The following ABLIM3 variants were observed in gnomAD, a reference collection of about 807,000 sequenced individuals.
The protein encoded by ABLIM3 is actin-binding LIM protein 3.
A neutral mutation model predicts 109.5 loss-of-function variants in ABLIM3; 61 were observed. The observed-to-expected ratio is 0.56, with a 90% confidence interval of 0.45 to 0.69. The LOEUF (loss-of-function observed/expected upper bound fraction) is 0.69. Among genes scored for constraint, ABLIM3 ranks in the 30% least tolerant of loss-of-function variants. The pLI is 0.00. For missense variants in ABLIM3, 796 were observed against 889.5 expected, an observed-to-expected ratio of 0.89 and a Z score of 1.34; for synonymous variants, 300 against 324.8, an observed-to-expected ratio of 0.92 and a Z score of 0.82.
intron 3 of ABLIM3, among the ~76,000 whole-genome samples, chr5:149,193,663 G>A (rs1193689150): frequency 6.6e-6 from 1 of 152,014 alleles, no homozygotes; most frequent in Admixed American, 6.6e-5. Flanking sequence ...CATTCCTAAA[G>A]AACAACAAAG....
chr5:149,228,453 A>G (rs1011645975), intron 8 of ABLIM3, among the ~76,000 whole-genome samples: 1 of 152,298 alleles, frequency 6.6e-6, no homozygotes, highest in Admixed American at 6.5e-5. Context: ...ATTCACATGC[A>G]TTTCTTTGTT....
chr5:149,200,445 G>C lies in ABLIM3; in HGVS notation c.448+17G>C, dbSNP rs1178414247. 1.2e-6 allele frequency: 2 copies of C among 1,609,490 alleles called. No individual in the cohort carries two copies. Among genetic ancestry groups the C allele is most frequent in the Non-Finnish European group, 1.7e-6 (2 of 1,175,862 alleles). On this transcript the variant is annotated intron_variant, in intron 5 of 23. Transcript: ENST00000309868. ...GACCAAGCCGTGAGTCCTCCCCACGGGTATCTCCCTGTCCATGGGTGTGAT... is the reference window on the plus strand; with the variant it reads ...GACCAAGCCGTGAGTCCTCCCCACGCGTATCTCCCTGTCCATGGGTGTGAT...
In ABLIM3 at chr5:149,226,682, G is replaced by A. The variant is rs187563515; in HGVS notation, c.758-3967G>A. On this transcript the variant is annotated intron_variant, in intron 8 of 23. Transcript: ENST00000309868. Reference sequence around the variant, plus strand: ...AAAATCATGCTTACTAAACAGAACCGTCCAATGGACCACTTTCAATCACTG... The same window carrying A: ...AAAATCATGCTTACTAAACAGAACCATCCAATGGACCACTTTCAATCACTG... Among the ~76,000 whole-genome samples the A allele has an allele frequency of 3.9e-4, 59 of 152,228 alleles. 6 individuals are homozygous for A. In the East Asian group the frequency reaches 4.8e-3, roughly 12 times the overall value.
In ABLIM3 at chr5:149,240,768, A is replaced by C. The variant is rs748244697; in HGVS notation, c.1297A>C (p.Ile433Leu). 6.2e-7 allele frequency: 1 copy of C among 1,613,798 alleles called. No homozygotes were observed. Among genetic ancestry groups the C allele is most frequent in the East Asian group, 2.2e-5 (1 of 44,878 alleles). Residue 433 changes from isoleucine to leucine, a missense_variant, in exon 14 of 24, where the codon ATC (isoleucine) becomes CTC (leucine). Physicochemically the swap from Ile to Leu is conservative, Grantham distance 5. Transcript: ENST00000309868. ...TTACCAGGCTCCCAAGCACTTTCACATCCCAGGTAGGCACTGCCAGCCCAG... is the reference window on the plus strand; with the variant it reads ...TTACCAGGCTCCCAAGCACTTTCACCTCCCAGGTAGGCACTGCCAGCCCAG... Reference protein sequence around the residue: ...TSYQAPKHFHIPAGDSNIYRK... With the variant: ...TSYQAPKHFHLPAGDSNIYRK...
intron 2 of ABLIM3, among the ~76,000 whole-genome samples, chr5:149,162,017 T>C (rs749686372): frequency 1.8e-4 from 28 of 152,104 alleles, no homozygotes; most frequent in Non-Finnish European, 3.4e-4. Context: ...AAGCCTCAGT[T>C]TGCTCATCTA....
chr5:149,239,334 T>G (rs1752555543), intron 12 of ABLIM3, 57 bp downstream of exon 12: 24 of 1,576,484 alleles, frequency 1.5e-5, no homozygotes, highest in Non-Finnish European at 2.0e-5. Flanking sequence ...TTATGTGGAC[T>G]TCACCCATCC....
intron 17 of ABLIM3, among the ~76,000 whole-genome samples, chr5:149,246,753 G>C (rs918815825): frequency 6.6e-6 from 1 of 152,234 alleles, no homozygotes; most frequent in Non-Finnish European, 1.5e-5. Context: ...TAGGAAATTT[G>C]TCTCTTCACT....
chr5:149,147,300 T>C (rs1051892483), intron 2 of ABLIM3, among the ~76,000 whole-genome samples: 1 of 152,188 alleles, frequency 6.6e-6, no homozygotes, highest in African/African-American at 2.4e-5. Flanking sequence ...AGCAAAAGCT[T>C]TTTCCATATC....
At position 149,247,911 on chromosome 5, in the gene ABLIM3, G is replaced by A. The variant is rs1581237735; in HGVS notation, c.1681G>A (p.Glu561Lys). 3 of 1,614,034 alleles carry A rather than the reference G, an allele frequency of 1.9e-6. No individual in the cohort carries two copies. The highest frequency in any genetic ancestry group is 2.5e-6 in the Non-Finnish European group (3 of 1,180,012). The change falls in exon 18 of 24, where the codon GAG becomes AAG. Residue 561 changes from glutamate to lysine, a missense_variant. Physicochemically the swap from Glu to Lys is moderately conservative, Grantham distance 56 (BLOSUM62 1). Coordinates refer to ENST00000309868, the MANE Select transcript of ABLIM3 (RefSeq NM_014945.5). ...SREALHTAGY[E>K]MSLNGSPRSH... ...GGAAGCCCTGCACACAGCTGGCTAT[G>A]AGATGTCCCTCAATGGCTGTAAGCA...
At chr5:149,228,685 CT>C (rs1249004354) in intron 8 of ABLIM3, among the ~76,000 whole-genome samples, 1 of 152,170 alleles carries the variant, frequency 6.6e-6, no homozygotes, top group Non-Finnish European at 1.5e-5. Context: ...TACCAACTAA[CT>C]TTTTTTAGCC....
rs1370840324 is a variant in ABLIM3, at chr5:149,183,439, G to C, written c.14-13G>C. On this transcript the variant is annotated splice_polypyrimidine_tract_variant and intron_variant, in intron 2 of 23. Transcript: ENST00000309868. ...AGGGCCTCTGGATAGTGATCTCTTT[G>C]TTTCTTTTACAGTTCCTTATCAGCA... The C allele has an allele frequency of 6.6e-7, 1 of 1,513,440 alleles. No homozygotes were observed. The highest frequency in any genetic ancestry group is 8.9e-7 in the Non-Finnish European group (1 of 1,129,724). 93.8% of individuals were successfully genotyped at this position (1,513,440 alleles called of 1,614,324 possible).
chr5:149,239,676 T>A (rs961668983), intron 12 of ABLIM3, 83 bp from the exon 13 acceptor site: 1 of 1,496,860 alleles, frequency 6.7e-7, no homozygotes, highest in Non-Finnish European at 8.9e-7. Flanking sequence ...AGATTCCATG[T>A]CATGCCCACC....
chr5:149,248,119 C>T (rs1219359239), intron 18 of ABLIM3, among the ~76,000 whole-genome samples, 190 bp downstream of exon 18: 1 of 152,216 alleles, frequency 6.6e-6, no homozygotes, highest in African/African-American at 2.4e-5. Flanking sequence ...ATGGAGCTTA[C>T]TTCATCAGCT....
intron 8 of ABLIM3, chr5:149,218,563 C>G (rs967057340): frequency 7.9e-5 from 12 of 152,392 alleles, no homozygotes; most frequent in African/African-American, 2.7e-4. Context: ...GCCTGTGTGG[C>G]CAGGGCGCAG....
intron 14 of ABLIM3, among the ~76,000 whole-genome samples, chr5:149,241,902 G>A (rs1752886001): frequency 6.6e-6 from 1 of 152,224 alleles, no homozygotes; most frequent in African/African-American, 2.4e-5. Context: ...CTGAGTGGGT[G>A]TAGTTTGGAC....
chr5:149,237,161 T>C (rs867993657), intron 10 of ABLIM3, among the ~76,000 whole-genome samples: 1 of 152,180 alleles, frequency 6.6e-6, no homozygotes, highest in African/African-American at 2.4e-5. Flanking sequence ...AGAAATGATA[T>C]TGACATTTAC....
intron 2 of ABLIM3, among the ~76,000 whole-genome samples, chr5:149,173,980 C>A (rs1755687930): frequency 6.7e-6 from 1 of 148,224 alleles, no homozygotes; most frequent in Admixed American, 6.7e-5. Context: ...CGAGATCGCG[C>A]CACTGCACTC....
At chr5:149,210,513 G>C (rs955314367) in intron 6 of ABLIM3, among the ~76,000 whole-genome samples, 6 of 152,196 alleles carry the variant, frequency 3.9e-5, no homozygotes, top group African/African-American at 1.2e-4. Context: ...AAAAAATGGA[G>C]CACACAGGAG....
chr5:149,231,042 C>G (rs1340252298), intron 9 of ABLIM3, among the ~76,000 whole-genome samples: 1 of 152,168 alleles, frequency 6.6e-6, no homozygotes, highest in Non-Finnish European at 1.5e-5. Flanking sequence ...CCTAAGGTCA[C>G]TCGTTAATAA....
Sources: allele counts gnomAD v4.1 joint callset (sites outside exome capture counted in the v4.1 genomes callset), GRCh38; gene constraint gnomAD v4.1.1; transcripts MANE v1.5; gene names NCBI Gene and HGNC (gene_info 2026-07-23, HGNC 2026-07-21).